The following DGKB variants were observed in gnomAD, a reference collection of about 807,000 sequenced individuals.
DGKB encodes the protein diacylglycerol kinase beta, also known as 90 kDa diacylglycerol kinase.
In DGKB, 67 loss-of-function variants were observed where a neutral mutation model predicts 114.3. The ratio of observed to expected loss-of-function variants is 0.59; its 90% CI spans 0.48 to 0.72. DGKB has a LOEUF of 0.72. DGKB is among the 30% of genes least tolerant of loss of function. The probability of loss-of-function intolerance (pLI) is 0.00; values close to 1 mark genes in which losing one functional copy is unlikely to be tolerated. For missense variants in DGKB, 907 were observed against 975.2 expected (o/e 0.93, Z 0.93); for synonymous variants, 398 against 323.1 (o/e 1.23, Z -2.49).
chr7:14,848,723 C>T (rs1848962593), intron 1 of DGKB, among the ~76,000 whole-genome samples: 1 of 152,078 alleles, frequency 6.6e-6, no homozygotes, highest in Admixed American at 6.6e-5. Flanking sequence ...CACACTTTTC[C>T]CAGACAAGAA....
chr7:14,192,347 A>G (rs1784428561), intron 23 of DGKB, among the ~76,000 whole-genome samples: 1 of 152,196 alleles, frequency 6.6e-6, no homozygotes, highest in Admixed American at 6.5e-5. Flanking sequence ...GAATTTTTAA[A>G]ACTTTCTTTT....
chr7:14,378,050 CAG>C (rs998203180), intron 21 of DGKB, among the ~76,000 whole-genome samples: 7 of 152,126 alleles, frequency 4.6e-5, no homozygotes, highest in African/African-American at 1.7e-4. Flanking sequence ...GTAGAAACAT[CAG>C]AGTTACTTAG....
At chr7:14,747,955 C>A (rs984420534) in intron 4 of DGKB, among the ~76,000 whole-genome samples, 4 of 152,170 alleles carry the variant, frequency 2.6e-5, no homozygotes, top group African/African-American at 7.2e-5. Context: ...AGGCACATTT[C>A]TATATGCCTT....
intron 23 of DGKB, among the ~76,000 whole-genome samples, chr7:14,284,416 C>G (rs994490255): frequency 4.1e-5 from 6 of 144,690 alleles, no homozygotes; most frequent in Non-Finnish European, 7.4e-5. Context: ...GTTGGTGGGA[C>G]TGTAAACTAG....
At chr7:14,951,707 T>C (rs931078486) in intron 1 of DGKB, among the ~76,000 whole-genome samples, 1 of 151,958 alleles carries the variant, frequency 6.6e-6, no homozygotes, top group Non-Finnish European at 1.5e-5. Flanking sequence ...ATAAAAAAAT[T>C]ACCACACTAA....
chr7:14,377,919 G>C (rs1316233848), intron 21 of DGKB, among the ~76,000 whole-genome samples: 1 of 152,160 alleles, frequency 6.6e-6, no homozygotes, highest in South Asian at 2.1e-4. Flanking sequence ...CCCTTTCTCA[G>C]AGAGCTCCTT....
intron 23 of DGKB, among the ~76,000 whole-genome samples, chr7:14,320,576 T>C (rs1177548757): frequency 3.3e-5 from 5 of 151,754 alleles, no homozygotes; most frequent in Admixed American, 6.6e-5. Context: ...TATATATGTG[T>C]ACATATATAG....
At chr7:14,522,354 T>C (rs1332253311) in intron 20 of DGKB, among the ~76,000 whole-genome samples, 4 of 152,158 alleles carry the variant, frequency 2.6e-5, no homozygotes. Context: ...ACCTGAGATA[T>C]ATGCGGCGTT....
chr7:14,858,651 T>A lies in DGKB; in HGVS notation c.-187-17201A>T, dbSNP rs117408199. Among the ~76,000 whole-genome samples, 1,253 of 152,156 alleles carry A rather than the reference T, an allele frequency of 8.2e-3. 13 individuals are homozygous for A. Among genetic ancestry groups the A allele is most frequent in the East Asian group, 0.024 (126 of 5,180 alleles). ...GCAGAGCACCGTGAGGGATATTAAG[T>A]TGTCACGGTGTCAAATGGCAAGAGA... is the stretch of plus-strand genomic sequence containing the variant. On this transcript the variant is annotated intron_variant, in intron 1 of 25. Transcript: ENST00000402815.
intron 2 of DGKB, among the ~76,000 whole-genome samples, chr7:14,770,717 G>C (rs186916346): frequency 4.5e-4 from 68 of 152,224 alleles, no homozygotes; most frequent in Middle Eastern, 6.8e-3. Flanking sequence ...TAGCACCACT[G>C]TTATGATTAG....
At chr7:14,403,984 C>T (rs978075235) in intron 21 of DGKB, among the ~76,000 whole-genome samples, 1 of 151,594 alleles carries the variant, frequency 6.6e-6, no homozygotes, top group Non-Finnish European at 1.5e-5. Flanking sequence ...AGAATAAAAC[C>T]TCTTAGCAAA....
intron 2 of DGKB, among the ~76,000 whole-genome samples, chr7:14,779,115 C>G (rs992262467): frequency 2.6e-5 from 4 of 151,942 alleles, no homozygotes; most frequent in African/African-American, 9.7e-5. Flanking sequence ...AAGATCGTGC[C>G]ACTGCTCTCC....
At chr7:14,433,155 A>T (rs537370040) in intron 21 of DGKB, among the ~76,000 whole-genome samples, 5 of 152,282 alleles carry the variant, frequency 3.3e-5, no homozygotes, top group Admixed American at 2.6e-4. Flanking sequence ...GTATCTATTG[A>T]CTGGCTAGCA....
chr7:14,201,214 T>C (rs1385505107), intron 23 of DGKB, among the ~76,000 whole-genome samples: 3 of 151,976 alleles, frequency 2.0e-5, no homozygotes, highest in African/African-American at 7.2e-5. Flanking sequence ...GGGATCCTTG[T>C]GTGGTCCCTT....
intron 20 of DGKB, among the ~76,000 whole-genome samples, chr7:14,529,858 C>T (rs1584604444): frequency 6.6e-6 from 1 of 151,708 alleles, no homozygotes; most frequent in African/African-American, 2.4e-5. Context: ...GAATTCTACA[C>T]TATAATAAAG....
intron 17 of DGKB, among the ~76,000 whole-genome samples, chr7:14,599,834 T>C (rs1803230048): frequency 6.6e-6 from 1 of 152,162 alleles, no homozygotes; most frequent in Admixed American, 6.6e-5. Flanking sequence ...ATCAGTTAAC[T>C]GCCTGGGGCT....
chr7:14,639,651 C>T (rs2128870830), intron 13 of DGKB, among the ~76,000 whole-genome samples: 1 of 152,288 alleles, frequency 6.6e-6, no homozygotes, highest in South Asian at 2.1e-4. Flanking sequence ...GCTGCAAAGC[C>T]CTAAAGGTAC....
intron 1 of DGKB, among the ~76,000 whole-genome samples, chr7:14,899,775 G>T (rs568220755): frequency 2.2e-4 from 33 of 152,138 alleles, no homozygotes; most frequent in African/African-American, 7.0e-4. Flanking sequence ...CATCAGAGAA[G>T]GAAGATCTCT....
rs1212783655 is a variant in DGKB, at chr7:14,680,709, TG to T, written c.1035+1843del. Among the ~76,000 whole-genome samples, 3 of 151,974 alleles carry T rather than the reference TG, an allele frequency of 2.0e-5. No homozygotes were observed. The East Asian group carries it at 5.8e-4, about 29-fold the overall frequency. Reference sequence around the variant, plus strand: ...GTAACTTTGAGGACAGTGGTTCTCATGACTGGAAAGGGTAGAAGACAGACTT... The same window carrying T: ...GTAACTTTGAGGACAGTGGTTCTCATACTGGAAAGGGTAGAAGACAGACTT... On this transcript the variant is annotated intron_variant, in intron 12 of 25. Transcript: ENST00000402815.
Sources: gnomAD v4.1 joint callset for allele counts (sites outside exome capture counted in the v4.1 genomes callset) on GRCh38, gnomAD v4.1.1 for gene constraint, MANE v1.5 for transcripts, NCBI Gene and HGNC (gene_info 2026-07-23, HGNC 2026-07-21) for gene names.